The following LRMDA variants were observed in gnomAD, a reference collection of about 807,000 sequenced individuals.
LRMDA encodes the protein leucine rich melanocyte differentiation associated.
In LRMDA, 18 loss-of-function variants were observed where a neutral mutation model predicts 29.8. The ratio of observed to expected loss-of-function variants is 0.60; its 90% CI spans 0.42 to 0.90. LRMDA has a LOEUF of 0.90. Ranked by LOEUF, LRMDA falls within the 40% of genes least tolerant of loss-of-function variation. The pLI, the probability that LRMDA is intolerant of heterozygous loss-of-function variation, is 0.00. For synonymous variants in LRMDA, 125 were observed against 109.4 expected, an observed-to-expected ratio of 1.14 and a Z score of -0.89; for missense variants, 273 against 273.9, an observed-to-expected ratio of 1.00 and a Z score of 0.02.
intron 2 of LRMDA, among the ~76,000 whole-genome samples, chr10:75,924,295 C>T (rs563613765): frequency 4.1e-4 from 62 of 152,188 alleles, no homozygotes; most frequent in Admixed American, 2.6e-3. Flanking sequence ...AAAAATTGGA[C>T]GTGAAATTGG....
chr10:76,295,521 G>C (rs1019943655), intron 5 of LRMDA, among the ~76,000 whole-genome samples: 9 of 152,214 alleles, frequency 5.9e-5, no homozygotes, highest in African/African-American at 2.2e-4. Flanking sequence ...CACAGTTTGA[G>C]TTTCTAAAAG....
rs550240076 is a variant in LRMDA, at chr10:75,669,241, G to T, written c.131+230747G>T. 5.3e-5 allele frequency among the ~76,000 whole-genome samples: 8 copies of T among 152,302 alleles called. No individual in the cohort carries two copies. In the East Asian group the frequency reaches 1.3e-3, roughly 26 times the overall value. On this transcript the variant is annotated intron_variant, in intron 2 of 6. Coordinates refer to ENST00000611255, the MANE Select transcript of LRMDA (RefSeq NM_001305581.2). Reference sequence around the variant, plus strand: ...ACTGTGGCACACTATTGGCATCAGGGTCTGTGCTTGGGCATGATAAGGGAC... The same window carrying T: ...ACTGTGGCACACTATTGGCATCAGGTTCTGTGCTTGGGCATGATAAGGGAC...
At chr10:76,398,060 G>A in intron 6 of LRMDA, among the ~76,000 whole-genome samples, 1 of 152,202 alleles carries the variant, frequency 6.6e-6, no homozygotes, top group East Asian at 1.9e-4. Context: ...ACTGTTGCCA[G>A]TATGTTTTCA....
At chr10:75,474,289 G>C (rs1361873371) in intron 2 of LRMDA, among the ~76,000 whole-genome samples, 1 of 152,220 alleles carries the variant, frequency 6.6e-6, no homozygotes, top group African/African-American at 2.4e-5. Context: ...CAGTTGGGCT[G>C]CTATAACAAA....
chr10:75,561,272 T>C, intron 2 of LRMDA, among the ~76,000 whole-genome samples: 1 of 151,180 alleles, frequency 6.6e-6, no homozygotes, highest in Non-Finnish European at 1.5e-5. Context: ...GGAGGGTGTA[T>C]GTGTCAAGGA....
intron 2 of LRMDA, among the ~76,000 whole-genome samples, chr10:75,729,487 C>G (rs1842669618): frequency 6.6e-6 from 1 of 152,152 alleles, no homozygotes; most frequent in Non-Finnish European, 1.5e-5. Flanking sequence ...GAGATGGGAA[C>G]TCTTTAAGCT....
At chr10:76,055,780 A>G (rs1031690461) in intron 4 of LRMDA, among the ~76,000 whole-genome samples, 6 of 152,200 alleles carry the variant, frequency 3.9e-5, no homozygotes, top group Non-Finnish European at 8.8e-5. Flanking sequence ...ACCAGCTTCC[A>G]CTGCAGGCAC....
rs575256829 is a variant in LRMDA at position 76,356,847 on chromosome 10, G to T, written c.601+32362G>T. ...AAAGGAATTTCAGCGTGTCTTCCAGGGTCATCTTTGGGTCACATAATTTCA... is the reference window on the plus strand; with the variant it reads ...AAAGGAATTTCAGCGTGTCTTCCAGTGTCATCTTTGGGTCACATAATTTCA... On this transcript the variant is annotated intron_variant, in intron 6 of 6. Coordinates refer to ENST00000611255, the MANE Select transcript of LRMDA (RefSeq NM_001305581.2). Among the ~76,000 whole-genome samples, 4 of 152,242 alleles carry T rather than the reference G, an allele frequency of 2.6e-5. No individual in the cohort carries two copies. In the South Asian group the frequency reaches 6.2e-4, roughly 24 times the overall value.
At chr10:75,954,074 A>G (rs1846623750) in intron 2 of LRMDA, among the ~76,000 whole-genome samples, 1 of 152,238 alleles carries the variant, frequency 6.6e-6, no homozygotes, top group South Asian at 2.1e-4. Flanking sequence ...TCCTAGAAGC[A>G]GAAAGTGGAT....
chr10:75,765,559 T>G (rs1316568362), intron 2 of LRMDA, among the ~76,000 whole-genome samples: 1 of 152,102 alleles, frequency 6.6e-6, no homozygotes, highest in Non-Finnish European at 1.5e-5. Flanking sequence ...GGTTTTGAAT[T>G]TTTTCTAAGG....
At chr10:75,520,640 C>G (rs1273999791) in intron 2 of LRMDA, among the ~76,000 whole-genome samples, 1 of 152,166 alleles carries the variant, frequency 6.6e-6, no homozygotes, top group Non-Finnish European at 1.5e-5. Context: ...TCCTTTAGCT[C>G]AGAGAAGTTT....
At chr10:76,087,453 A>C (rs1056038068) in intron 5 of LRMDA, among the ~76,000 whole-genome samples, 1 of 152,130 alleles carries the variant, frequency 6.6e-6, no homozygotes, top group Non-Finnish European at 1.5e-5. Flanking sequence ...TTTGCATACC[A>C]CACCCTATGC....
At chr10:75,507,955 G>A (rs1845187024) in intron 2 of LRMDA, among the ~76,000 whole-genome samples, 1 of 152,202 alleles carries the variant, frequency 6.6e-6, no homozygotes, top group Non-Finnish European at 1.5e-5. Context: ...CCCTATTGAT[G>A]TGCTAGTATA....
At chr10:75,995,970 C>G (rs1023634141) in intron 2 of LRMDA, among the ~76,000 whole-genome samples, 2 of 152,174 alleles carry the variant, frequency 1.3e-5, no homozygotes, top group African/African-American at 4.8e-5. Context: ...CCATAACTGA[C>G]TGACAGACTC....
chr10:75,531,227 G>A (rs1049624289), intron 2 of LRMDA, among the ~76,000 whole-genome samples: 4 of 152,204 alleles, frequency 2.6e-5, no homozygotes, highest in African/African-American at 7.2e-5. Context: ...ACAGCAGGAC[G>A]AGTGCTGAAG....
At chr10:75,659,486 C>A (rs1841722108) in intron 2 of LRMDA, among the ~76,000 whole-genome samples, 1 of 152,114 alleles carries the variant, frequency 6.6e-6, no homozygotes, top group Non-Finnish European at 1.5e-5. Flanking sequence ...GGAGATTCTG[C>A]CATTTGCGAC....
chr10:75,775,766 G>A (rs1040211735), intron 2 of LRMDA, among the ~76,000 whole-genome samples: 3 of 152,186 alleles, frequency 2.0e-5, no homozygotes, highest in African/African-American at 7.2e-5. Flanking sequence ...CATTGTCCAA[G>A]GTAGCAATGT....
At chr10:75,844,312 A>G (rs1243135691) in intron 2 of LRMDA, among the ~76,000 whole-genome samples, 1 of 152,104 alleles carries the variant, frequency 6.6e-6, no homozygotes, top group Non-Finnish European at 1.5e-5. Context: ...GCATTAGGCT[A>G]TTTGGAGGAC....
At chr10:76,181,065 C>CT (rs1564677068) in intron 5 of LRMDA, among the ~76,000 whole-genome samples, 1 of 152,186 alleles carries the variant, frequency 6.6e-6, no homozygotes, top group Admixed American at 6.5e-5. Flanking sequence ...TTTGCTCCCT[C>CT]TCTTTTACTG....
Sources: allele counts gnomAD v4.1 joint callset (sites outside exome capture counted in the v4.1 genomes callset), GRCh38; gene constraint gnomAD v4.1.1; transcripts MANE v1.5; gene names NCBI Gene and HGNC (gene_info 2026-07-23, HGNC 2026-07-21).